SUGCT: variants seen among roughly 807,000 people sequenced by gnomAD.
The protein encoded by SUGCT is succinyl-CoA:glutarate CoA-transferase.
In SUGCT, 41 loss-of-function variants were observed where a neutral mutation model predicts 55.0. The observed-to-expected ratio is 0.74, with a 90% CI of 0.58 to 0.97. The LOEUF (loss-of-function observed/expected upper bound fraction) is 0.97, where lower values mean the gene tolerates loss of function less well. Among genes scored for constraint, SUGCT ranks in the 50% least tolerant of loss-of-function variants. The pLI is 0.00. For missense variants in SUGCT, 568 were observed against 547.8 expected (o/e 1.04, Z -0.37); for synonymous variants, 187 against 200.4 (o/e 0.93, Z 0.56).
intron 12 of SUGCT, among the ~76,000 whole-genome samples, chr7:40,662,583 A>G (rs1801386900): frequency 6.6e-6 from 1 of 152,230 alleles, no homozygotes; most frequent in Middle Eastern, 3.4e-3. Context: ...TCACAGAAAC[A>G]TTGCACATAA....
intron 12 of SUGCT, among the ~76,000 whole-genome samples, chr7:40,636,276 C>CT (rs1800017984): frequency 6.6e-6 from 1 of 152,172 alleles, no homozygotes; most frequent in African/African-American, 2.4e-5. Context: ...TGGCTGTTGA[C>CT]TGGGTCTTCA....
intron 13 of SUGCT, among the ~76,000 whole-genome samples, chr7:40,765,817 C>A (rs1333080050): frequency 6.6e-6 from 1 of 152,188 alleles, no homozygotes; most frequent in Non-Finnish European, 1.5e-5. Flanking sequence ...TTCACCCAGT[C>A]AACCAGGGCG....
chr7:40,264,834 C>T (rs1424099492), intron 7 of SUGCT, among the ~76,000 whole-genome samples: 2 of 152,160 alleles, frequency 1.3e-5, no homozygotes, highest in Non-Finnish European at 2.9e-5. Flanking sequence ...ATTCTCATCT[C>T]GTCTCTCTGC....
intron 9 of SUGCT, among the ~76,000 whole-genome samples, chr7:40,375,182 G>T (rs1250263045): frequency 6.6e-6 from 1 of 152,220 alleles, no homozygotes; most frequent in African/African-American, 2.4e-5. Flanking sequence ...AATGTCCTGA[G>T]TGTTGCTGTG....
intron 13 of SUGCT, among the ~76,000 whole-genome samples, chr7:40,821,054 G>A (rs1203379414): frequency 6.6e-6 from 1 of 152,118 alleles, no homozygotes; most frequent in Non-Finnish European, 1.5e-5. Context: ...CTGTTTATAT[G>A]CTGGATTATG....
rs2128803887 is a variant in SUGCT, at chr7:40,854,579, G to A, written c.1154-5737G>A. ...CAGTACACTTACTTAGTCTTTGAGA[G>A]TTTGCAAATAACTTCATATTTGATT... is the stretch of plus-strand genomic sequence containing the variant. On this transcript the variant is annotated intron_variant, in intron 13 of 13. Transcript: ENST00000335693. 2.6e-5 allele frequency among the ~76,000 whole-genome samples: 4 copies of A among 151,898 alleles called. No homozygotes were observed. In the East Asian group the frequency reaches 7.8e-4, roughly 29 times the overall value.
Position 40,833,311 on chromosome 7 carries a change from A to G in SUGCT, c.1154-27005A>G, listed in dbSNP as rs558093738. Among the ~76,000 whole-genome samples the G allele has an allele frequency of 9.1e-5, 13 of 143,136 alleles. No individual in the cohort carries two copies. In the East Asian group the frequency reaches 3.5e-3, roughly 39 times the overall value. The allele number at this position is 143,136 out of a possible 152,430, so 93.9% of individuals were successfully genotyped here. ...CCCAAGGAAGTTTCCCTGCTTGGAA[A>G]GTTTTTTCCCTTTTTTTCTACCTGC... On this transcript the variant is annotated intron_variant, in intron 13 of 13. Coordinates refer to ENST00000335693, the MANE Select transcript of SUGCT (RefSeq NM_001193313.2).
intron 12 of SUGCT, among the ~76,000 whole-genome samples, chr7:40,513,288 T>C (rs893784595): frequency 6.6e-6 from 1 of 152,166 alleles, no homozygotes; most frequent in African/African-American, 2.4e-5. Context: ...AATCAAGCTA[T>C]GGATGACCAA....
chr7:40,151,219 A>T (rs1214462344), intron 1 of SUGCT, among the ~76,000 whole-genome samples: 3 of 152,194 alleles, frequency 2.0e-5, no homozygotes, highest in Non-Finnish European at 2.9e-5. Flanking sequence ...CAGCCAGGTG[A>T]CAGAGTGAGA....
intron 9 of SUGCT, among the ~76,000 whole-genome samples, chr7:40,429,847 C>T (rs541031279): frequency 6.6e-6 from 1 of 152,154 alleles, no homozygotes; most frequent in African/African-American, 2.4e-5. Context: ...ACATAGTACC[C>T]TCTCTTTTGT....
chr7:40,415,455 T>C (rs1196436952), intron 9 of SUGCT, among the ~76,000 whole-genome samples: 2 of 151,686 alleles, frequency 1.3e-5, no homozygotes, highest in African/African-American at 4.8e-5. Context: ...AAACTCTTTT[T>C]AAAATGTTAA....
At chr7:40,266,569 C>T (rs566689911) in intron 7 of SUGCT, among the ~76,000 whole-genome samples, 1 of 151,708 alleles carries the variant, frequency 6.6e-6, no homozygotes, top group African/African-American at 2.4e-5. Context: ...AAGAAATTAT[C>T]ATTGATAATT....
rs1785639262 is a variant in SUGCT, at chr7:40,394,922, T to C, written c.817-54365T>C. Among the ~76,000 whole-genome samples, 5 of 152,248 alleles carry C rather than the reference T, an allele frequency of 3.3e-5. No homozygotes were observed. In the South Asian group the frequency reaches 1.0e-3, roughly 31 times the overall value. On this transcript the variant is annotated intron_variant, in intron 9 of 13. Transcript: ENST00000335693. Reference sequence around the variant, plus strand: ...TTGTTTATACATACAACACATTTTCTTTATGGACACTTAAGTTGATTCCAT... The same window carrying C: ...TTGTTTATACATACAACACATTTTCCTTATGGACACTTAAGTTGATTCCAT...
the SUGCT span, among the ~76,000 whole-genome samples, chr7:40,969,390 G>A: frequency 6.6e-6 from 1 of 152,016 alleles, no homozygotes; most frequent in Admixed American, 6.5e-5. Context: ...AGACAGAATG[G>A]TGCTCTATTG....
intron 9 of SUGCT, among the ~76,000 whole-genome samples, chr7:40,395,177 C>A (rs1467186770): frequency 6.6e-6 from 1 of 152,026 alleles, no homozygotes; most frequent in East Asian, 1.9e-4. Flanking sequence ...ATAGGCATGA[C>A]CTGGGAGCTA....
chr7:40,631,753 C>T (rs924641245), intron 12 of SUGCT, among the ~76,000 whole-genome samples: 2 of 152,090 alleles, frequency 1.3e-5, no homozygotes, highest in African/African-American at 4.8e-5. Flanking sequence ...GTTAAGATTC[C>T]CTTGACCATG....
intron 12 of SUGCT, among the ~76,000 whole-genome samples, chr7:40,574,707 C>T (rs967453577): frequency 3.3e-5 from 5 of 152,142 alleles, no homozygotes; most frequent in Non-Finnish European, 5.9e-5. Context: ...ATTGGGATTA[C>T]AGGCGTGAGC....
chr7:40,706,363 C>A (rs921950981), intron 12 of SUGCT, among the ~76,000 whole-genome samples: 15 of 152,004 alleles, frequency 9.9e-5, no homozygotes, highest in African/African-American at 3.1e-4. Flanking sequence ...AAAAATTAGC[C>A]GGGAGTGGTG....
chr7:40,506,481 G>A (rs1792603309), intron 12 of SUGCT, among the ~76,000 whole-genome samples: 1 of 151,998 alleles, frequency 6.6e-6, no homozygotes, highest in Admixed American at 6.6e-5. Context: ...GATGTTTGTG[G>A]TTCTATTAAC....
Sources: gnomAD v4.1 joint callset for allele counts (sites outside exome capture counted in the v4.1 genomes callset) on GRCh38, gnomAD v4.1.1 for gene constraint, MANE v1.5 for transcripts, NCBI Gene and HGNC (gene_info 2026-07-23, HGNC 2026-07-21) for gene names.